The following FER1L6 variants were observed in gnomAD, a reference collection of about 807,000 sequenced individuals.
The protein encoded by FER1L6 is fer-1 like family member 6.
Under a neutral mutation model 219.2 loss-of-function variants are expected in FER1L6, and 177 were observed. The observed-to-expected ratio is 0.81, with a 90% CI of 0.71 to 0.91. The LOEUF (loss-of-function observed/expected upper bound fraction) is 0.91, where lower values mean the gene tolerates loss of function less well. Among genes scored for constraint, FER1L6 ranks in the 40% least tolerant of loss-of-function variants. The pLI, the probability that FER1L6 is intolerant of heterozygous loss-of-function variation, is 0.00. For missense variants in FER1L6, 2,153 were observed against 2,259.9 expected, an observed-to-expected ratio of 0.95 and a Z score of 0.96; for synonymous variants, 768 against 824.3, an observed-to-expected ratio of 0.93 and a Z score of 1.17.
At chr8:123,955,949 T>G in intron 1 of FER1L6, 43 bp from the exon 2 acceptor site, 1 of 1,548,278 alleles carries the variant, frequency 6.5e-7, no homozygotes, top group South Asian at 1.2e-5. Context: ...CACGTCTAAA[T>G]GACTCAAAGT....
intron 1 of FER1L6, among the ~76,000 whole-genome samples, chr8:123,930,067 C>T (rs146027239): frequency 3.7e-4 from 56 of 152,004 alleles, no homozygotes; most frequent in African/African-American, 8.7e-4. Context: ...ACAGGTCCCA[C>T]GTACCCTTTA....
rs536619665 is a variant in FER1L6, at chr8:124,103,686, A to G, written c.5289+377A>G. On this transcript the variant is annotated intron_variant, in intron 39 of 40. Transcript: ENST00000522917. Reference sequence around the variant, plus strand: ...CCTTTTAAAAGAAGGTGACAGCAGGAGAAGCCATTTATCCCTTTTCCCGAA... The same window carrying G: ...CCTTTTAAAAGAAGGTGACAGCAGGGGAAGCCATTTATCCCTTTTCCCGAA... 5.9e-5 allele frequency among the ~76,000 whole-genome samples: 9 copies of G among 152,348 alleles called. No individual in the cohort carries two copies. The East Asian group carries it at 1.7e-3, about 29-fold the overall frequency.
chr8:123,863,190 C>T (rs1176561363), intron 1 of FER1L6, among the ~76,000 whole-genome samples: 5 of 92,092 alleles, frequency 5.4e-5, no homozygotes, highest in Admixed American at 1.1e-4. Context: ...TCTTTGTTCT[C>T]GTTGGTTTCA....
chr8:124,084,522 T>C (rs972368445), intron 33 of FER1L6, among the ~76,000 whole-genome samples: 13 of 152,198 alleles, frequency 8.5e-5, no homozygotes, highest in Non-Finnish European at 1.6e-4. Flanking sequence ...GAAATGATCA[T>C]ATGGTTTGTG....
At chr8:123,903,375 A>T (rs1034128984) in intron 1 of FER1L6, among the ~76,000 whole-genome samples, 6 of 152,212 alleles carry the variant, frequency 3.9e-5, no homozygotes, top group Non-Finnish European at 7.3e-5. Flanking sequence ...AAAACGTAGC[A>T]TTCCTACGCA....
At position 124,013,455 on chromosome 8, in the gene FER1L6, G is replaced by A. The variant is rs1201532168; in HGVS notation, c.1846G>A (p.Glu616Lys). ...FLEESIEEVR[E>K]LIKISQEAPE... ...GGAAGAAAGTATAGAAGAAGTGAGA[G>A]AATTGATCAAGATTTCACAGGAGGC... The change falls in exon 15 of 41, where the codon GAA becomes AAA. Residue 616 changes from glutamate (E) to lysine (K), a missense_variant. By Grantham distance (56) the Glu-to-Lys change is moderately conservative. Transcript: ENST00000522917. 12 of 1,609,112 alleles carry A rather than the reference G, an allele frequency of 7.5e-6. No homozygotes were observed. The highest frequency in any genetic ancestry group is 9.3e-6 in the Non-Finnish European group (11 of 1,178,622).
Position 123,947,485 on chromosome 8 carries a change from A to T in FER1L6, c.-7-8507A>T, listed in dbSNP as rs117452103. Among the ~76,000 whole-genome samples the T allele has an allele frequency of 9.1e-3, 1,393 of 152,258 alleles. 10 individuals are homozygous for T. The highest frequency in any genetic ancestry group is 0.029 in the South Asian group (141 of 4,828). ...TGTTCTCATTCTTGGAATGATGTTT[A>T]ACTCTTTTCTTGTTATATGATTCAT... On this transcript the variant is annotated intron_variant, in intron 1 of 40. Coordinates refer to ENST00000522917, the MANE Select transcript of FER1L6 (RefSeq NM_001039112.2).
chr8:123,871,637 C>T (rs925904704), intron 1 of FER1L6, among the ~76,000 whole-genome samples: 1 of 152,134 alleles, frequency 6.6e-6, no homozygotes, highest in Non-Finnish European at 1.5e-5. Context: ...AGATAAATCT[C>T]CCATTCAAAA....
chr8:124,072,941 C>T (rs745937033), intron 31 of FER1L6, among the ~76,000 whole-genome samples: 3 of 152,240 alleles, frequency 2.0e-5, no homozygotes, highest in Non-Finnish European at 4.4e-5. Flanking sequence ...GTATTTCCTT[C>T]TCCAGGCTTT....
intron 2 of FER1L6, 37 bp downstream of exon 2, chr8:123,956,111 G>A (rs1262173796): frequency 6.4e-7 from 1 of 1,573,418 alleles, no homozygotes; most frequent in Non-Finnish European, 8.7e-7. Context: ...ATTGGGGCCT[G>A]AGAGTCTCGC....
Position 124,097,855 on chromosome 8 carries a change from C to G in FER1L6, c.4855C>G (p.Gln1619Glu). The change falls in exon 37 of 41, where the codon CAA (glutamine) becomes GAA (glutamate). Residue 1619 changes from glutamine (Q) to glutamate (E), a missense_variant. Gln to Glu is a conservative substitution (Grantham distance 29, BLOSUM62 2). Transcript: ENST00000522917. ...AGAGGATGAGAATATCTTCACAGGC[C>G]AAAAATCAAGTGATATTTATGTGAA... ...ILEDENIFTG[Q>E]KSSDIYVKGW... 6.3e-7 allele frequency: 1 copy of G among 1,596,218 alleles called. No individual in the cohort carries two copies. Among genetic ancestry groups the G allele is most frequent in the African/African-American group, 1.3e-5 (1 of 74,600 alleles).
intron 13 of FER1L6, 87 bp downstream of exon 13, chr8:124,003,434 C>A: frequency 3.8e-5 from 12 of 311,762 alleles, no homozygotes; most frequent in South Asian, 6.2e-5. Flanking sequence ...CAGTTCTTCA[C>A]TAAAATCAGA....
chr8:124,071,285 G>T (rs931403518), intron 30 of FER1L6, among the ~76,000 whole-genome samples: 3 of 152,112 alleles, frequency 2.0e-5, no homozygotes, highest in Admixed American at 6.5e-5. Context: ...CCTGTGAGGG[G>T]GTTGTTAATG....
intron 1 of FER1L6, among the ~76,000 whole-genome samples, chr8:123,880,868 A>T (rs909825668): frequency 6.6e-6 from 1 of 151,348 alleles, no homozygotes; most frequent in Non-Finnish European, 1.5e-5. Context: ...TTATGATGCA[A>T]TTCTGGGAGC....
intron 1 of FER1L6, among the ~76,000 whole-genome samples, chr8:123,858,466 T>G (rs1367380386): frequency 6.6e-6 from 1 of 152,212 alleles, no homozygotes; most frequent in African/African-American, 2.4e-5. Flanking sequence ...AGATGCTTAT[T>G]TCTTGCTGAC....
At chr8:123,885,880 C>G (rs1817192759) in intron 1 of FER1L6, among the ~76,000 whole-genome samples, 1 of 152,220 alleles carries the variant, frequency 6.6e-6, no homozygotes, top group African/African-American at 2.4e-5. Flanking sequence ...TCCCATCTTT[C>G]ATCACCTTCC....
chr8:123,964,946 C>T (rs1398144004), intron 3 of FER1L6, among the ~76,000 whole-genome samples: 1 of 152,166 alleles, frequency 6.6e-6, no homozygotes, highest in Non-Finnish European at 1.5e-5. Flanking sequence ...TGTTACTTCT[C>T]AAGGACCAGG....
chr8:124,070,375 C>A, intron 29 of FER1L6, 92 bp from the exon 30 acceptor site: 4 of 1,446,866 alleles, frequency 2.8e-6, no homozygotes, highest in Non-Finnish European at 3.8e-6. Context: ...GGGCATATAT[C>A]AAGGCTGGTT....
intron 17 of FER1L6, 113 bp from the exon 18 acceptor site, chr8:124,023,331 G>C: frequency 9.5e-7 from 1 of 1,049,002 alleles, no homozygotes; most frequent in Non-Finnish European, 1.4e-6. Context: ...CACAGCATTT[G>C]TTTTGTCGAA....
Sources: allele counts gnomAD v4.1 joint callset (sites outside exome capture counted in the v4.1 genomes callset), GRCh38; gene constraint gnomAD v4.1.1; transcripts MANE v1.5; gene names NCBI Gene and HGNC (gene_info 2026-07-23, HGNC 2026-07-21).